Variants in ABCC4 observed in about 807,000 individuals in gnomAD.
The protein encoded by ABCC4 is ATP-binding cassette sub-family C member 4.
Under a neutral mutation model 168.5 loss-of-function variants are expected in ABCC4, and 102 were observed. The ratio of observed to expected loss-of-function variants is 0.61; its 90% CI spans 0.52 to 0.71. The LOEUF is 0.71. Among genes scored for constraint, ABCC4 ranks in the 30% least tolerant of loss-of-function variants. The pLI, the probability that ABCC4 is intolerant of heterozygous loss-of-function variation, is 0.00. For missense variants in ABCC4, 1,402 were observed against 1,605.8 expected (o/e 0.87, Z 2.17); for synonymous variants, 617 against 590.7 (o/e 1.04, Z -0.65).
intron 4 of ABCC4, among the ~76,000 whole-genome samples, chr13:95,230,043 T>A (rs2039576633): frequency 1.3e-5 from 2 of 152,192 alleles, no homozygotes; most frequent in African/African-American, 4.8e-5. Flanking sequence ...TACGAACCCA[T>A]GCTGGGAATA....
chr13:95,030,020 C>CATCCATCT (rs2031796011), intron 30 of ABCC4, among the ~76,000 whole-genome samples: 2 of 152,016 alleles, frequency 1.3e-5, no homozygotes, highest in South Asian at 4.2e-4. Flanking sequence ...TCCATCCATC[C>CATCCATCT]ATCCATCCAT....
intron 8 of ABCC4, among the ~76,000 whole-genome samples, chr13:95,201,883 G>T (rs3864998): frequency 0.38 from 58,312 of 151,950 alleles, 11,895 homozygotes; most frequent in Non-Finnish European, 0.47. Context: ...TGAGGCAGGA[G>T]AATTGCTTGA....
At chr13:95,231,253 C>G (rs940494999) in intron 4 of ABCC4, among the ~76,000 whole-genome samples, 1 of 152,144 alleles carries the variant, frequency 6.6e-6, no homozygotes, top group Admixed American at 6.5e-5. Flanking sequence ...CGAACTACTA[C>G]TGTACACTTA....
At chr13:95,260,562 T>C (rs1033141961) in intron 1 of ABCC4, among the ~76,000 whole-genome samples, 5 of 152,098 alleles carry the variant, frequency 3.3e-5, no homozygotes, top group African/African-American at 9.7e-5. Flanking sequence ...TTGAGCAAAC[T>C]TTAGGAAAAG....
At chr13:95,053,749 G>T (rs1594015141) in intron 26 of ABCC4, 1 of 155,882 alleles carries the variant, frequency 6.4e-6, no homozygotes, top group Non-Finnish European at 1.4e-5. Flanking sequence ...GGTCGAGGCG[G>T]GTGGATCACC....
chr13:95,177,387 G>C (rs1179371874), intron 13 of ABCC4, among the ~76,000 whole-genome samples: 2 of 152,140 alleles, frequency 1.3e-5, no homozygotes, highest in African/African-American at 2.4e-5. Context: ...CCGGGGCCTG[G>C]TCCATCAGCA....
At chr13:95,259,507 T>C (rs74893509) in intron 1 of ABCC4, among the ~76,000 whole-genome samples, 12,402 of 152,134 alleles carry the variant, frequency 0.082, 1,034 homozygotes, top group African/African-American at 0.21. Context: ...CACTGTAGGA[T>C]GGTTAACAGC....
At chr13:95,148,320 A>G (rs1200934620) in intron 19 of ABCC4, among the ~76,000 whole-genome samples, 2 of 152,126 alleles carry the variant, frequency 1.3e-5, no homozygotes, top group Non-Finnish European at 2.9e-5. Flanking sequence ...AAGAGCTGAG[A>G]TTCACATTTG....
intron 11 of ABCC4, among the ~76,000 whole-genome samples, chr13:95,185,935 A>T (rs1293093072): frequency 6.6e-6 from 1 of 152,132 alleles, no homozygotes; most frequent in East Asian, 1.9e-4. Context: ...TATCCATGTA[A>T]CCAAAAACCA....
At chr13:95,033,679 T>C (rs1182241195) in intron 30 of ABCC4, among the ~76,000 whole-genome samples, 1 of 131,774 alleles carries the variant, frequency 7.6e-6, no homozygotes, top group Admixed American at 7.9e-5. Flanking sequence ...TTTTTTTTTT[T>C]GAGACGGAGT....
rs771211738 is a variant in ABCC4 at position 95,170,648 on chromosome 13, A to G, written c.1728-20T>C. 3.3e-6 allele frequency: 5 copies of G among 1,524,944 alleles called. No individual in the cohort carries two copies. The African/African-American group carries it at 4.1e-5, about 13-fold the overall frequency. 94.5% of individuals were successfully genotyped at this position (1,524,944 alleles called of 1,614,324 possible). Reference sequence around the variant, plus strand: ...ATACACCTATAAATGTAAAAGGCACAGGGTGAAAAAATGCATGAATGGGGT... The same window carrying G: ...ATACACCTATAAATGTAAAAGGCACGGGGTGAAAAAATGCATGAATGGGGT... On this transcript the variant is annotated intron_variant, in intron 13 of 30. Coordinates refer to ENST00000645237, the MANE Select transcript of ABCC4 (RefSeq NM_005845.5).
intron 1 of ABCC4, among the ~76,000 whole-genome samples, chr13:95,299,081 C>T (rs2041609007): frequency 6.6e-6 from 1 of 151,596 alleles, no homozygotes; most frequent in African/African-American, 2.4e-5. Context: ...CATAGAGAGC[C>T]CTATCTCTAC....
intron 8 of ABCC4, among the ~76,000 whole-genome samples, chr13:95,196,200 C>T (rs926723263): frequency 3.4e-4 from 43 of 126,836 alleles, no homozygotes; most frequent in African/African-American, 1.1e-3. Context: ...CCACCCCATC[C>T]AAAATTTTGT....
chr13:95,034,248 C>T (rs2032021483), intron 30 of ABCC4, among the ~76,000 whole-genome samples: 1 of 152,176 alleles, frequency 6.6e-6, no homozygotes, highest in South Asian at 2.1e-4. Context: ...GAATGAAATG[C>T]AATGGGTTTG....
intron 4 of ABCC4, among the ~76,000 whole-genome samples, chr13:95,224,216 A>G (rs1270032640): frequency 6.6e-6 from 1 of 151,524 alleles, no homozygotes; most frequent in East Asian, 1.9e-4. Context: ...AAAAAAAAAA[A>G]GAGAAACATT....
chr13:95,239,989 G>C (rs2039884695), intron 3 of ABCC4, among the ~76,000 whole-genome samples: 2 of 152,176 alleles, frequency 1.3e-5, no homozygotes, highest in African/African-American at 2.4e-5. Flanking sequence ...CCAGACCTAA[G>C]CGAGGTATCT....
At chr13:95,177,888 G>A in intron 12 of ABCC4, 95 bp from the exon 13 acceptor site, 1 of 1,497,916 alleles carries the variant, frequency 6.7e-7, no homozygotes, top group Non-Finnish European at 9.3e-7. Context: ...AATAACCCAA[G>A]AAGGTGCTTC....
chr13:95,059,162 G>A (rs901167010), intron 26 of ABCC4, among the ~76,000 whole-genome samples: 2 of 152,206 alleles, frequency 1.3e-5, no homozygotes, highest in Admixed American at 6.5e-5. Flanking sequence ...AAGTCCCTAG[G>A]AGAGGGTTCA....
rs146576538 is a variant in ABCC4 at position 95,212,437 on chromosome 13, T to G, written c.532-1656A>C. The stretch of plus-strand genomic sequence containing the variant: ...TAAAGCATGTAAATTTGATACCTAA[T>G]TTTAAAAAAATAAAAGCAAAATGTC... On this transcript the variant is annotated intron_variant, in intron 4 of 30. Coordinates refer to ENST00000645237, the MANE Select transcript of ABCC4 (RefSeq NM_005845.5). 1.6e-3 allele frequency among the ~76,000 whole-genome samples: 243 copies of G among 152,338 alleles called. 1 individual carries two copies. Among genetic ancestry groups the G allele is most frequent in the African/African-American group, 5.6e-3 (234 of 41,566 alleles).
Sources: gnomAD v4.1 joint callset for allele counts (sites outside exome capture counted in the v4.1 genomes callset) on GRCh38, gnomAD v4.1.1 for gene constraint, MANE v1.5 for transcripts, NCBI Gene and HGNC (gene_info 2026-07-23, HGNC 2026-07-21) for gene names.